NPEPL1: variants seen among roughly 807,000 people sequenced by gnomAD.
NPEPL1 encodes the protein probable aminopeptidase NPEPL1.
In NPEPL1, 45 loss-of-function variants were observed where a neutral mutation model predicts 52.4. The observed-to-expected ratio is 0.86, with a 90% CI of 0.68 to 1.10. The LOEUF is 1.10. NPEPL1 is among the 50% of genes least tolerant of loss of function. The probability of loss-of-function intolerance (pLI) is 0.00; values close to 1 mark genes in which losing one functional copy is unlikely to be tolerated. For missense variants in NPEPL1, 696 were observed against 710.9 expected, an observed-to-expected ratio of 0.98 and a Z score of 0.24; for synonymous variants, 360 against 314.7, an observed-to-expected ratio of 1.14 and a Z score of -1.52.
At chr20:58,702,771 G>A (rs1404476974) in intron 6 of NPEPL1, among the ~76,000 whole-genome samples, 3 of 152,168 alleles carry the variant, frequency 2.0e-5, no homozygotes, top group African/African-American at 2.4e-5. Flanking sequence ...CTCCAATCTC[G>A]TGAGGCAACA....
intron 7 of NPEPL1, among the ~76,000 whole-genome samples, chr20:58,710,421 T>C (rs1340646687): frequency 1.3e-5 from 2 of 152,132 alleles, no homozygotes; most frequent in African/African-American, 4.8e-5. Flanking sequence ...GGATGTACCA[T>C]TCAAAGATGG....
At chr20:58,708,165 C>A (rs189224043) in intron 7 of NPEPL1, among the ~76,000 whole-genome samples, 3 of 152,342 alleles carry the variant, frequency 2.0e-5, no homozygotes, top group African/African-American at 7.2e-5. Flanking sequence ...AGGCCAGCAA[C>A]CCAGTTCCTT....
upstream of NPEPL1, among the ~76,000 whole-genome samples, chr20:58,689,780 TTCC>T (rs528416928): frequency 3.2e-4 from 49 of 151,760 alleles, no homozygotes; most frequent in African/African-American, 4.9e-5. Flanking sequence ...TTGCTTCCCC[TTCC>T]TCCTCCTGGC....
At chr20:58,699,107 G>A (rs928011606) in intron 4 of NPEPL1, 90 bp from the exon 5 acceptor site, 18 of 1,247,914 alleles carry the variant, frequency 1.4e-5, no homozygotes, top group South Asian at 6.4e-5. Context: ...CACAGGCAGC[G>A]GTTCATCCCT....
chr20:58,690,319 T>C (rs1489151647), upstream of NPEPL1, among the ~76,000 whole-genome samples: 3 of 152,264 alleles, frequency 2.0e-5, no homozygotes, highest in East Asian at 5.8e-4. Flanking sequence ...AAAGATCTGG[T>C]AATTTGTTTT....
Position 58,693,934 on chromosome 20 carries a change from G to C in NPEPL1, c.336+12G>C, listed in dbSNP as rs745940835. The C allele has an allele frequency of 3.1e-5, 49 of 1,560,600 alleles. No individual in the cohort carries two copies. Among genetic ancestry groups the C allele is most frequent in the Middle Eastern group, 1.8e-4 (1 of 5,676 alleles). On this transcript the variant is annotated intron_variant, in intron 2 of 11. Coordinates refer to ENST00000356091, the MANE Select transcript of NPEPL1 (RefSeq NM_024663.4). The stretch of plus-strand genomic sequence containing the variant: ...ATCGCTGCATTGTGGTGAGTGCTTC[G>C]AGAGGAGGCAGCCACGGTGCTCCTA...
intron 7 of NPEPL1, among the ~76,000 whole-genome samples, chr20:58,709,010 T>C (rs2084786674): frequency 1.3e-5 from 2 of 151,794 alleles, no homozygotes; most frequent in African/African-American, 2.4e-5. Flanking sequence ...AGGAAGACTC[T>C]TCTGAGCTTG....
intron 6 of NPEPL1, among the ~76,000 whole-genome samples, chr20:58,701,610 C>T (rs1014424707): frequency 3.9e-5 from 6 of 152,116 alleles, no homozygotes; most frequent in South Asian, 2.1e-4. Context: ...CCGGAAATGA[C>T]GGAAGAAATG....
chr20:58,698,022 C>T (rs937736150), intron 3 of NPEPL1, among the ~76,000 whole-genome samples: 21 of 152,336 alleles, frequency 1.4e-4, no homozygotes, highest in African/African-American at 4.6e-4. Flanking sequence ...TGCCCAGAAC[C>T]GTGCTGTGTC....
chr20:58,698,477 G>A (rs899801215), intron 3 of NPEPL1, among the ~76,000 whole-genome samples: 1 of 152,142 alleles, frequency 6.6e-6, no homozygotes, highest in African/African-American at 2.4e-5. Context: ...TGTGCTGAAG[G>A]TTCTTTCTAC....
intron 7 of NPEPL1, among the ~76,000 whole-genome samples, chr20:58,707,565 C>G (rs1348730421): frequency 1.3e-5 from 2 of 152,236 alleles, no homozygotes; most frequent in African/African-American, 2.4e-5. Flanking sequence ...CTCCCGCAAC[C>G]CTTCTTTGCA....
intron 7 of NPEPL1, among the ~76,000 whole-genome samples, chr20:58,707,743 A>G (rs562156500): frequency 7.9e-5 from 12 of 151,848 alleles, no homozygotes; most frequent in Admixed American, 1.3e-4. Flanking sequence ...ACCTTGAGTG[A>G]CCTTCCCATG....
At position 58,694,013 on chromosome 20, in the gene NPEPL1, A is replaced by G. The variant is rs1173179271; in HGVS notation, c.336+91A>G. 3.2e-6 allele frequency: 4 copies of G among 1,265,200 alleles called. No homozygotes were observed. The South Asian group carries it at 5.9e-5, about 19-fold the overall frequency. 78.4% of individuals were successfully genotyped at this position (1,265,200 alleles called of 1,614,324 possible). ...GAGCTCACAGCCCTGCTCAGACTGC[A>G]GCGCACGCCCAGAGGGCTGTGGACG... is the stretch of plus-strand genomic sequence containing the variant. On this transcript the variant is annotated intron_variant, in intron 2 of 11. Transcript: ENST00000356091.
Position 58,715,357 on chromosome 20 carries a change from TCTTTTACCTCA to T in NPEPL1, c.*36_*46del, listed in dbSNP as rs1221637502. 10 of 1,574,566 alleles carry T rather than the reference TCTTTTACCTCA, an allele frequency of 6.4e-6. No homozygotes were observed. The highest frequency in any genetic ancestry group is 8.6e-6 in the Non-Finnish European group (10 of 1,160,276). On this transcript the variant is annotated 3_prime_UTR_variant, in exon 12 of 12. Transcript: ENST00000356091. ...CTGCCTCGGCCCTGACAAACGGGGA[TCTTTTACCTCA>T]CTTTGCACTGATTAATTTTAAGCAA...
At chr20:58,707,703 ACTCGGGGGG>A (rs1433320103) in intron 7 of NPEPL1, among the ~76,000 whole-genome samples, 1 of 92,792 alleles carries the variant, frequency 1.1e-5, no homozygotes, top group African/African-American at 4.3e-5. Flanking sequence ...GGCAGTAGTC[ACTCGGGGGG>A]CGTGGGGGGG....
At chr20:58,701,380 G>C (rs1568852529) in intron 6 of NPEPL1, among the ~76,000 whole-genome samples, 2 of 147,772 alleles carry the variant, frequency 1.4e-5, no homozygotes, top group Admixed American at 6.7e-5. Flanking sequence ...CCTGGGGGGG[G>C]GGGAGGGGCC....
chr20:58,701,163 G>T lies in NPEPL1; in HGVS notation c.822+5G>T, dbSNP rs765873121. ...GGCCTCAGCATCAAAGGGAAGGTGAGGTGCGGGCTGGCTCTCAGGGTGCCC... is the reference window on the plus strand; with the variant it reads ...GGCCTCAGCATCAAAGGGAAGGTGATGTGCGGGCTGGCTCTCAGGGTGCCC... On this transcript the variant is annotated splice_donor_5th_base_variant and intron_variant, in intron 6 of 11. Coordinates refer to ENST00000356091, the MANE Select transcript of NPEPL1 (RefSeq NM_024663.4). 6.5e-6 allele frequency: 10 copies of T among 1,546,554 alleles called. No homozygotes were observed. The highest frequency in any genetic ancestry group is 8.7e-6 in the Non-Finnish European group (10 of 1,146,026).
At chr20:58,696,343 C>T (rs941197529) in intron 3 of NPEPL1, among the ~76,000 whole-genome samples, 1 of 152,228 alleles carries the variant, frequency 6.6e-6, no homozygotes, top group Non-Finnish European at 1.5e-5. Flanking sequence ...TTGGCTAGCA[C>T]CACCCTCCCA....
chr20:58,693,665 T>C (rs2084401259), intron 1 of NPEPL1, 72 bp from the exon 2 acceptor site: 3 of 1,415,396 alleles, frequency 2.1e-6, no homozygotes, highest in Middle Eastern at 1.8e-4. Flanking sequence ...TGGCCGTGGC[T>C]GCAGGGCAGG....
Sources: allele counts gnomAD v4.1 joint callset (sites outside exome capture counted in the v4.1 genomes callset), GRCh38; gene constraint gnomAD v4.1.1; transcripts MANE v1.5; gene names NCBI Gene and HGNC (gene_info 2026-07-23, HGNC 2026-07-21).